The following PAPSS1 variants were observed in gnomAD, a reference collection of about 807,000 sequenced individuals.
PAPSS1 encodes the protein bifunctional 3'-phosphoadenosine 5'-phosphosulfate synthase 1.
PAPSS1 carries 50 observed loss-of-function variants against 72.0 expected under a neutral mutation model. The ratio of observed to expected loss-of-function variants is 0.69; its 90% CI spans 0.55 to 0.88. The LOEUF is 0.88. Among genes scored for constraint, PAPSS1 ranks in the 40% least tolerant of loss-of-function variants. PAPSS1 has a pLI of 0.00. For missense variants in PAPSS1, 657 were observed against 782.2 expected (o/e 0.84, Z 1.91); for synonymous variants, 261 against 263.6 (o/e 0.99, Z 0.09).
intron 11 of PAPSS1, among the ~76,000 whole-genome samples, chr4:107,628,080 T>C (rs1428124898): frequency 6.6e-6 from 1 of 152,162 alleles, no homozygotes; most frequent in Non-Finnish European, 1.5e-5. Context: ...CTAGAATATC[T>C]TCCGTCTTGA....
At chr4:107,710,648 C>T (rs1013601935) in intron 1 of PAPSS1, among the ~76,000 whole-genome samples, 2 of 152,194 alleles carry the variant, frequency 1.3e-5, no homozygotes, top group Non-Finnish European at 2.9e-5. Context: ...CACTGTTTGC[C>T]TTGTCTTGAC....
At chr4:107,696,587 G>C (rs1012764709) in intron 2 of PAPSS1, among the ~76,000 whole-genome samples, 5 of 152,020 alleles carry the variant, frequency 3.3e-5, no homozygotes, top group Admixed American at 6.6e-5. Flanking sequence ...CCTCCCAGTG[G>C]GGGTAGGTAG....
At position 107,656,949 on chromosome 4, in the gene PAPSS1, A is replaced by AAGCC; in HGVS notation, c.838_841dup (p.Phe281TrpfsTer15). ...CTGCAAGTACTCCCTCTCTCTCATAAAGCCATTCAATGGGGTTGCCCAACC... is the reference window on the plus strand; with the variant it reads ...CTGCAAGTACTCCCTCTCTCTCATAAAGCCAGCCATTCAATGGGGTTGCCCAACC... On this transcript the variant is annotated frameshift_variant, in exon 7 of 12. Transcript: ENST00000265174. LOFTEE classifies it high-confidence loss of function. 1 of 1,613,968 alleles carries AAGCC rather than the reference A, an allele frequency of 6.2e-7. No individual in the cohort carries two copies. The highest frequency in any genetic ancestry group is 8.5e-7 in the Non-Finnish European group (1 of 1,179,850).
At chr4:107,703,414 C>CAAAAAA (rs35894658) in intron 1 of PAPSS1, among the ~76,000 whole-genome samples, 1 of 144,566 alleles carries the variant, frequency 6.9e-6, no homozygotes. Flanking sequence ...GAGTCATATC[C>CAAAAAA]AAAAAAAAAA....
chr4:107,656,970 C>T lies in PAPSS1; in HGVS notation c.821G>A (p.Trp274Ter), dbSNP rs774614599. 6.2e-7 allele frequency: 1 copy of T among 1,614,000 alleles called. No individual in the cohort carries two copies. Among genetic ancestry groups the T allele is most frequent in the Non-Finnish European group, 8.5e-7 (1 of 1,179,896 alleles). ...CATAAAGCCATTCAATGGGGTTGCCCAACCTTCTGCCAAAACCTGCACCCA... is the reference window on the plus strand; with the variant it reads ...CATAAAGCCATTCAATGGGGTTGCCTAACCTTCTGCCAAAACCTGCACCCA... ...MQWVQVLAEG[W>*]ATPLNGFMRE... Residue 274 changes from tryptophan (W) to a stop codon, truncating the protein, a stop_gained, in exon 7 of 12, where the codon TGG (tryptophan) becomes TAG (stop). Transcript: ENST00000265174. LOFTEE classifies it high-confidence loss of function.
intron 11 of PAPSS1, among the ~76,000 whole-genome samples, chr4:107,614,967 AG>A (rs1725781377): frequency 6.7e-5 from 2 of 30,064 alleles, no homozygotes; most frequent in Admixed American, 1.4e-3. Flanking sequence ...ATCTAAAACT[AG>A]ATTTTTTTTT....
At chr4:107,618,914 C>T (rs983496059) in intron 11 of PAPSS1, among the ~76,000 whole-genome samples, 7 of 152,114 alleles carry the variant, frequency 4.6e-5, no homozygotes, top group African/African-American at 1.2e-4. Flanking sequence ...AAATTAAAAA[C>T]TGGTTTGGTC....
intron 10 of PAPSS1, among the ~76,000 whole-genome samples, chr4:107,644,082 G>A (rs928222436): frequency 5.3e-5 from 8 of 152,234 alleles, no homozygotes; most frequent in South Asian, 2.1e-4. Flanking sequence ...CTCGACAACC[G>A]TCTTGTATTA....
At chr4:107,636,493 ACAG>A (rs1273530170) in intron 10 of PAPSS1, among the ~76,000 whole-genome samples, 1 of 152,232 alleles carries the variant, frequency 6.6e-6, no homozygotes, top group Non-Finnish European at 1.5e-5. Flanking sequence ...TAGTGAAACG[ACAG>A]CAGAAGCGTG....
intron 11 of PAPSS1, among the ~76,000 whole-genome samples, chr4:107,631,077 T>C (rs1025124101): frequency 6.6e-6 from 1 of 152,206 alleles, no homozygotes; most frequent in Non-Finnish European, 1.5e-5. Flanking sequence ...ATTTGAAACA[T>C]AAATGAATTT....
intron 1 of PAPSS1, among the ~76,000 whole-genome samples, chr4:107,719,238 G>A (rs953671941): frequency 1.3e-5 from 2 of 148,472 alleles, no homozygotes; most frequent in Non-Finnish European, 1.5e-5. Flanking sequence ...GGGAGACATT[G>A]CATTTAAACC....
intron 10 of PAPSS1, among the ~76,000 whole-genome samples, chr4:107,632,384 T>C (rs1726244791): frequency 6.6e-6 from 1 of 151,968 alleles, no homozygotes; most frequent in Non-Finnish European, 1.5e-5. Flanking sequence ...CTGTATATTA[T>C]ACTTTAACAG....
intron 10 of PAPSS1, among the ~76,000 whole-genome samples, chr4:107,637,384 T>C (rs148382219): frequency 2.0e-5 from 3 of 152,230 alleles, no homozygotes; most frequent in African/African-American, 7.2e-5. Flanking sequence ...CAAAAACAAA[T>C]TAAAAACCTA....
chr4:107,666,860 T>C (rs1055552339), intron 5 of PAPSS1, among the ~76,000 whole-genome samples: 1 of 152,220 alleles, frequency 6.6e-6, no homozygotes, highest in East Asian at 1.9e-4. Flanking sequence ...AAAACTGGTA[T>C]ACAATTGGAA....
chr4:107,649,985 A>C (rs1263850857), intron 9 of PAPSS1, among the ~76,000 whole-genome samples: 1 of 152,238 alleles, frequency 6.6e-6, no homozygotes, highest in Non-Finnish European at 1.5e-5. Flanking sequence ...TGTGTGTATT[A>C]AAGATTTCTC....
intron 10 of PAPSS1, among the ~76,000 whole-genome samples, chr4:107,636,313 A>G (rs1272748671): frequency 6.6e-6 from 1 of 152,194 alleles, no homozygotes; most frequent in Admixed American, 6.5e-5. Flanking sequence ...TTAAATTAAC[A>G]TAAGAAGGTA....
chr4:107,691,758 G>T (rs531499916), intron 3 of PAPSS1, among the ~76,000 whole-genome samples: 41 of 152,246 alleles, frequency 2.7e-4, no homozygotes, highest in African/African-American at 9.4e-4. Context: ...AGAATTACTT[G>T]AGTTAATTCA....
chr4:107,645,066 A>G lies in PAPSS1; in HGVS notation c.1242T>C (p.Ala414=). ...KQKFKDMNAD[A]VFAFQLRNPV... is the part of the protein sequence containing the mutation. ...GGTTGCGTAGTTGAAATGCAAAGAC[A>G]GCATCTGAAAAGAGAATTTCCAGAG... is the stretch of plus-strand genomic sequence containing the variant. The change falls in exon 10 of 12, where the codon GCT becomes GCC. Residue 414 remains alanine (A), a synonymous_variant. Coordinates refer to ENST00000265174, the MANE Select transcript of PAPSS1 (RefSeq NM_005443.5). 1 of 1,505,558 alleles carries G rather than the reference A, an allele frequency of 6.6e-7. No individual in the cohort carries two copies. Among genetic ancestry groups the G allele is most frequent in the Non-Finnish European group, 8.9e-7 (1 of 1,125,356 alleles). 93.3% of individuals were successfully genotyped at this position (1,505,558 alleles called of 1,614,324 possible). A position where few individuals can be genotyped will look rare whatever the true frequency, so the allele number is the denominator to read the frequency against.
At chr4:107,650,250 C>T (rs1578398226) in intron 9 of PAPSS1, among the ~76,000 whole-genome samples, 2 of 152,348 alleles carry the variant, frequency 1.3e-5, no homozygotes, top group South Asian at 4.1e-4. Flanking sequence ...ACTCCTCGGT[C>T]TGTTGCTTAT....
Sources: allele counts gnomAD v4.1 joint callset (sites outside exome capture counted in the v4.1 genomes callset), GRCh38; gene constraint gnomAD v4.1.1; transcripts MANE v1.5; gene names NCBI Gene and HGNC (gene_info 2026-07-23, HGNC 2026-07-21).